SEC14L1: variants seen among roughly 807,000 people sequenced by gnomAD.
SEC14L1 encodes SEC14 like lipid binding 1.
A neutral mutation model predicts 85.3 loss-of-function variants in SEC14L1; 48 were observed. That is an observed-to-expected ratio of 0.56 (90% confidence interval 0.45 to 0.72). The LOEUF (loss-of-function observed/expected upper bound fraction) is 0.72. Ranked by LOEUF, SEC14L1 falls within the 30% of genes least tolerant of loss-of-function variation. The pLI, the probability that SEC14L1 is intolerant of heterozygous loss-of-function variation, is 0.00. For synonymous variants in SEC14L1, 391 were observed against 355.5 expected, an observed-to-expected ratio of 1.10 and a Z score of -1.12; for missense variants, 682 against 921.4, an observed-to-expected ratio of 0.74 and a Z score of 3.36.
chr17:77,168,119 G>C (rs1402157135), intron 3 of SEC14L1, among the ~76,000 whole-genome samples: 4 of 152,140 alleles, frequency 2.6e-5, no homozygotes, highest in Admixed American at 6.5e-5. Context: ...GGAGTGGTCT[G>C]TCCATTACGG....
chr17:77,148,004 C>T (rs180947550), intron 3 of SEC14L1, among the ~76,000 whole-genome samples: 1 of 152,230 alleles, frequency 6.6e-6, no homozygotes, highest in East Asian at 1.9e-4. Flanking sequence ...GTGATATGAT[C>T]CCACAGATTA....
intron 3 of SEC14L1, among the ~76,000 whole-genome samples, chr17:77,179,879 G>A (rs1974934712): frequency 6.6e-6 from 1 of 151,850 alleles, no homozygotes. Context: ...GGGTTTCACT[G>A]TGTTAGCCGG....
At chr17:77,190,454 C>T (rs536030527) in intron 3 of SEC14L1, among the ~76,000 whole-genome samples, 2 of 151,986 alleles carry the variant, frequency 1.3e-5, no homozygotes, top group African/African-American at 2.4e-5. Flanking sequence ...ACTGATTCTT[C>T]CCAGTTTATT....
At chr17:77,126,423 T>C (rs1261686104) in intron 3 of SEC14L1, among the ~76,000 whole-genome samples, 2 of 152,214 alleles carry the variant, frequency 1.3e-5, no homozygotes, top group Non-Finnish European at 2.9e-5. Flanking sequence ...AATTTAGGCA[T>C]CACATGGGGA....
chr17:77,111,191 GAAA>G (rs57425211), intron 3 of SEC14L1, among the ~76,000 whole-genome samples: 3 of 101,140 alleles, frequency 3.0e-5, no homozygotes, highest in East Asian at 2.7e-4. Context: ...GTCTCAAAAA[GAAA>G]AAAAAAAAAA....
intron 3 of SEC14L1, among the ~76,000 whole-genome samples, chr17:77,129,704 A>G (rs1260764989): frequency 6.6e-6 from 1 of 152,102 alleles, no homozygotes; most frequent in Non-Finnish European, 1.5e-5. Flanking sequence ...TTTCTTTTCC[A>G]TGGTTAGCCT....
chr17:77,089,196 A>G, exon 2 of SEC14L1: 2 of 336,988 alleles, frequency 5.9e-6, no homozygotes, highest in South Asian at 2.5e-5. Flanking sequence ...ATTGGCTGAA[A>G]ACATGCAGCA....
At chr17:77,147,743 CAAGG>C (rs1187923125) in intron 3 of SEC14L1, among the ~76,000 whole-genome samples, 1 of 152,316 alleles carries the variant, frequency 6.6e-6, no homozygotes, top group African/African-American at 2.4e-5. Flanking sequence ...TCACACCTGA[CAAGG>C]AAGGCGCACC....
Position 77,215,575 on chromosome 17 carries a change from G to A in SEC14L1, c.*1552G>A, listed in dbSNP as rs1786241133. ...CCGAGCAGCCCTCTTGCCCGGTCGGGTCAGCCCTAGTGGCTGCCTGCACAC... is the reference window on the plus strand; with the variant it reads ...CCGAGCAGCCCTCTTGCCCGGTCGGATCAGCCCTAGTGGCTGCCTGCACAC... On this transcript the variant is annotated 3_prime_UTR_variant, in exon 17 of 17. Transcript: ENST00000436233. 1 of 986,944 alleles carries A rather than the reference G, an allele frequency of 1.0e-6. No individual in the cohort carries two copies. The highest frequency in any genetic ancestry group is 1.2e-6 in the Non-Finnish European group (1 of 830,588). 61.1% of individuals were successfully genotyped at this position (986,944 alleles called of 1,614,324 possible). A position where few individuals can be genotyped will look rare whatever the true frequency, so the allele number is the denominator to read the frequency against.
Position 77,109,890 on chromosome 17 carries a change from T to A in SEC14L1, c.-136+16543T>A, listed in dbSNP as rs962606727. 8.5e-5 allele frequency among the ~76,000 whole-genome samples: 13 copies of A among 152,330 alleles called. No individual in the cohort carries two copies. In the South Asian group the frequency reaches 1.2e-3, roughly 15 times the overall value. The stretch of plus-strand genomic sequence containing the variant: ...TAACTAAATGCGTAAAATGCTGATA[T>A]CCTAATATGCCTCTTTTTTTGAAAA... On this transcript the variant is annotated intron_variant, in intron 3 of 19. Transcript: ENST00000392476.
rs1164753619 is a variant in SEC14L1, at chr17:77,193,564, G to A, written c.474+15G>A. On this transcript the variant is annotated intron_variant, in intron 6 of 16. Transcript: ENST00000436233. ...ACATTAAAAAAGTGAGTGTATCTTG[G>A]GATTTTGTGGCAGAGGGTGGGCAGG... 1.3e-6 allele frequency: 2 copies of A among 1,598,086 alleles called. No homozygotes were observed. Among genetic ancestry groups the A allele is most frequent in the Admixed American group, 3.4e-5 (2 of 59,486 alleles).
At chr17:77,173,697 T>C (rs1974625078) in intron 3 of SEC14L1, among the ~76,000 whole-genome samples, 1 of 152,338 alleles carries the variant, frequency 6.6e-6, no homozygotes, top group African/African-American at 2.4e-5. Flanking sequence ...TTAGTCCAAA[T>C]AAAACAACAG....
chr17:77,148,264 G>A (rs1973403834), intron 3 of SEC14L1, among the ~76,000 whole-genome samples: 1 of 152,100 alleles, frequency 6.6e-6, no homozygotes, highest in African/African-American at 2.4e-5. Flanking sequence ...GTGGGAGAGA[G>A]GGAAGAACAT....
chr17:77,097,467 G>A (rs891788644), intron 3 of SEC14L1, among the ~76,000 whole-genome samples: 1 of 152,190 alleles, frequency 6.6e-6, no homozygotes, highest in African/African-American at 2.4e-5. Context: ...GGGAGGCTGA[G>A]GCAGGAGAAT....
In SEC14L1 at chr17:77,196,453, A is replaced by C. The variant is rs1216719900; in HGVS notation, c.819+142A>C. 3 of 596,922 alleles carry C rather than the reference A, an allele frequency of 5.0e-6. No homozygotes were observed. In the African/African-American group the frequency reaches 5.7e-5, roughly 11 times the overall value. The allele number at this position is 596,922 out of a possible 1,614,324, so 37.0% of individuals were successfully genotyped here. ...TTCCAGTTTAGAAGTCATTGAATTT[A>C]TGTCTCTGTGGAATCTAAGTCGTTT... On this transcript the variant is annotated intron_variant, in intron 8 of 16. Transcript: ENST00000436233.
intron 3 of SEC14L1, among the ~76,000 whole-genome samples, chr17:77,154,421 T>C (rs914809788): frequency 2.0e-5 from 3 of 152,216 alleles, no homozygotes; most frequent in African/African-American, 7.2e-5. Flanking sequence ...GCAGTGCCAC[T>C]CTGGCCTGTG....
intron 10 of SEC14L1, among the ~76,000 whole-genome samples, 179 bp downstream of exon 10, chr17:77,203,837 GT>G (rs1238787534): frequency 6.6e-6 from 1 of 152,180 alleles, no homozygotes; most frequent in Non-Finnish European, 1.5e-5. Context: ...TTATAAAAGT[GT>G]TTCTCACAGT....
At chr17:77,195,706 T>G (rs894800619) in intron 7 of SEC14L1, among the ~76,000 whole-genome samples, 1 of 152,180 alleles carries the variant, frequency 6.6e-6, no homozygotes, top group African/African-American at 2.4e-5. Flanking sequence ...CAGGCTTGTC[T>G]TGAACTCCTG....
Position 77,190,823 on chromosome 17 carries a change from T to C in SEC14L1, c.84T>C (p.Pro28=), listed in dbSNP as rs148537525. 7.4e-6 allele frequency: 12 copies of C among 1,614,132 alleles called. No homozygotes were observed. Among genetic ancestry groups the C allele is most frequent in the Middle Eastern group, 1.6e-4 (1 of 6,084 alleles). ...TATAGGCCTATGAAAGGAGGTTCCC[T>C]ACATGTCCTTTGATTCCGATGTTCG... The part of the protein sequence containing the change: ...LIMAAYERRF[P]TCPLIPMFVG... The change falls in exon 4 of 17, where the codon CCT becomes CCC. Residue 28 remains proline (P), a synonymous_variant. Coordinates refer to ENST00000436233, the MANE Select transcript of SEC14L1 (RefSeq NM_001143998.2).
Sources: gnomAD v4.1 joint callset for allele counts (sites outside exome capture counted in the v4.1 genomes callset) on GRCh38, gnomAD v4.1.1 for gene constraint, MANE v1.5 for transcripts, NCBI Gene and HGNC (gene_info 2026-07-23, HGNC 2026-07-21) for gene names.